The following CTNNA2 variants were observed in gnomAD, a reference collection of about 807,000 sequenced individuals.
CTNNA2 encodes the protein catenin alpha-2.
In CTNNA2, 42 loss-of-function variants were observed where a neutral mutation model predicts 101.0. That is an observed-to-expected ratio of 0.42 (90% CI 0.32 to 0.54). The LOEUF is 0.54. CTNNA2 is among the 20% of genes least tolerant of loss of function. The pLI, the probability that CTNNA2 is intolerant of heterozygous loss-of-function variation, is 0.14. For missense variants in CTNNA2, 871 were observed against 1,223.1 expected (o/e 0.71, Z 4.29); for synonymous variants, 450 against 456.4 (o/e 0.99, Z 0.18).
At chr2:80,117,480 G>C (rs1377577101) in intron 7 of CTNNA2, among the ~76,000 whole-genome samples, 2 of 151,860 alleles carry the variant, frequency 1.3e-5, no homozygotes, top group Non-Finnish European at 2.9e-5. Flanking sequence ...GTGTGTGTGT[G>C]TGTGTGTACA....
chr2:79,187,115 C>A (rs913696648), intron 1 of CTNNA2, among the ~76,000 whole-genome samples: 2 of 151,892 alleles, frequency 1.3e-5, no homozygotes, highest in South Asian at 4.1e-4. Context: ...GGTATTATAT[C>A]AAGAGGACCA....
intron 7 of CTNNA2, among the ~76,000 whole-genome samples, chr2:79,982,357 C>CA (rs1190485272): frequency 3.7e-4 from 44 of 119,240 alleles, no homozygotes; most frequent in East Asian, 2.4e-3. Context: ...ACCTATATAA[C>CA]CTATATAACA....
At chr2:79,344,031 C>T (rs537415360) in intron 3 of CTNNA2, among the ~76,000 whole-genome samples, 4 of 152,226 alleles carry the variant, frequency 2.6e-5, no homozygotes, top group African/African-American at 7.2e-5. Context: ...GTATGTAGGA[C>T]GCCGAGCCCT....
At chr2:80,128,307 T>G (rs1248176118) in intron 7 of CTNNA2, among the ~76,000 whole-genome samples, 1 of 152,156 alleles carries the variant, frequency 6.6e-6, no homozygotes, top group Non-Finnish European at 1.5e-5. Flanking sequence ...ATTTGAGTGA[T>G]CAGTGTTAGA....
At chr2:79,949,958 A>T (rs1199415753) in intron 7 of CTNNA2, among the ~76,000 whole-genome samples, 1 of 152,186 alleles carries the variant, frequency 6.6e-6, no homozygotes, top group African/African-American at 2.4e-5. Flanking sequence ...ACGTTTATAG[A>T]AATCTTTCCA....
chr2:79,751,998 T>C (rs1295337283), intron 3 of CTNNA2, among the ~76,000 whole-genome samples: 1 of 152,136 alleles, frequency 6.6e-6, no homozygotes, highest in Non-Finnish European at 1.5e-5. Flanking sequence ...GAGCCAAAAT[T>C]TGTTCTACAT....
chr2:79,210,819 G>A (rs1674161946), intron 2 of CTNNA2, among the ~76,000 whole-genome samples: 1 of 152,102 alleles, frequency 6.6e-6, no homozygotes, highest in Admixed American at 6.6e-5. Flanking sequence ...AGATTCCGAT[G>A]TGTCCCCCAA....
chr2:80,402,051 C>A (rs1425267044), intron 8 of CTNNA2, among the ~76,000 whole-genome samples: 1 of 152,182 alleles, frequency 6.6e-6, no homozygotes, highest in African/African-American at 2.4e-5. Context: ...TCTGACTGAC[C>A]AGCTATACAT....
intron 2 of CTNNA2, among the ~76,000 whole-genome samples, chr2:79,309,469 A>G (rs964190923): frequency 6.6e-6 from 1 of 152,328 alleles, no homozygotes; most frequent in South Asian, 2.1e-4. Context: ...ATAGACAGAA[A>G]AAGGACTGAA....
At chr2:79,755,084 G>T (rs1446938471) in intron 3 of CTNNA2, among the ~76,000 whole-genome samples, 1 of 151,962 alleles carries the variant, frequency 6.6e-6, no homozygotes, top group African/African-American at 2.4e-5. Flanking sequence ...CCAGTGCTTT[G>T]GGATGCTAAG....
intron 7 of CTNNA2, among the ~76,000 whole-genome samples, chr2:80,323,356 TCTC>T (rs1044899170): frequency 2.4e-4 from 36 of 151,774 alleles, no homozygotes. Context: ...ATCGCCAAGA[TCTC>T]CTTTCTTTCT....
At chr2:80,500,452 G>T (rs1224399092) in intron 9 of CTNNA2, among the ~76,000 whole-genome samples, 1 of 151,584 alleles carries the variant, frequency 6.6e-6, no homozygotes, top group East Asian at 1.9e-4. Flanking sequence ...TATATTCATC[G>T]ACCCAACAAA....
At chr2:80,374,682 CGTGTGTGTGTGT>C (rs57179557) in intron 7 of CTNNA2, among the ~76,000 whole-genome samples, 1 of 133,966 alleles carries the variant, frequency 7.5e-6, no homozygotes, top group African/African-American at 3.0e-5. Context: ...TGCGTGCGTG[CGTGTGTGTGTGT>C]GTGTGTGTGT....
chr2:79,940,149 A>G (rs1471013256), intron 7 of CTNNA2, among the ~76,000 whole-genome samples: 1 of 152,248 alleles, frequency 6.6e-6, no homozygotes, highest in Non-Finnish European at 1.5e-5. Flanking sequence ...AAGAAAAGTC[A>G]ATATAGAATC....
intron 7 of CTNNA2, among the ~76,000 whole-genome samples, chr2:80,376,985 C>T (rs552886300): frequency 5.7e-4 from 87 of 152,316 alleles, no homozygotes; most frequent in African/African-American, 2.0e-3. Context: ...GCATTTGCTC[C>T]CCATCTTTCC....
intron 15 of CTNNA2, among the ~76,000 whole-genome samples, chr2:80,595,656 A>C (rs1165190077): frequency 6.6e-6 from 1 of 152,128 alleles, no homozygotes; most frequent in Non-Finnish European, 1.5e-5. Flanking sequence ...ACTGTTTGAC[A>C]GTTTTTTTTA....
chr2:79,805,688 A>G (rs1676517144), intron 3 of CTNNA2, among the ~76,000 whole-genome samples: 1 of 152,188 alleles, frequency 6.6e-6, no homozygotes, highest in Non-Finnish European at 1.5e-5. Context: ...CTGTAATCCC[A>G]GCACTTTGGG....
intron 2 of CTNNA2, among the ~76,000 whole-genome samples, chr2:79,678,259 A>G (rs922280414): frequency 6.6e-6 from 1 of 152,154 alleles, no homozygotes; most frequent in Non-Finnish European, 1.5e-5. Context: ...CTCTATCCCC[A>G]TGCTGGGCGC....
At chr2:79,342,628 T>G (rs1677162743) in intron 3 of CTNNA2, among the ~76,000 whole-genome samples, 1 of 152,198 alleles carries the variant, frequency 6.6e-6, no homozygotes, top group South Asian at 2.1e-4. Context: ...CTTGAAGATT[T>G]TCATCAGAAT....
Sources: gnomAD v4.1 joint callset for allele counts (sites outside exome capture counted in the v4.1 genomes callset) on GRCh38, gnomAD v4.1.1 for gene constraint, MANE v1.5 for transcripts, NCBI Gene and HGNC (gene_info 2026-07-23, HGNC 2026-07-21) for gene names.